The following NUP160 variants were observed in gnomAD, a reference collection of about 807,000 sequenced individuals.
NUP160 encodes the protein nucleoporin 160.
Under a neutral mutation model 196.9 loss-of-function variants are expected in NUP160, and 94 were observed. That is an observed-to-expected ratio of 0.48 (90% CI 0.40 to 0.57). The LOEUF (loss-of-function observed/expected upper bound fraction) is 0.57. Among genes scored for constraint, NUP160 ranks in the 20% least tolerant of loss-of-function variants. The pLI is 0.00. For missense variants in NUP160, 1,638 were observed against 1,748.3 expected (o/e 0.94, Z 1.13); for synonymous variants, 605 against 619.7 (o/e 0.98, Z 0.35).
chr11:47,809,987 T>C (rs1407936490), intron 17 of NUP160, among the ~76,000 whole-genome samples: 1 of 152,080 alleles, frequency 6.6e-6, no homozygotes, highest in Non-Finnish European at 1.5e-5. Flanking sequence ...TTTGCTTATA[T>C]ATATTTTGTA....
rs573236671 is a variant in NUP160 at position 47,846,173 on chromosome 11, T to A, written c.314+1675A>T. Among the ~76,000 whole-genome samples the A allele has an allele frequency of 1.5e-4, 22 of 148,602 alleles. No individual in the cohort carries two copies. The Middle Eastern group carries it at 0.011, about 71-fold the overall frequency. ...AAAAAAAAGCAGAAAGAAAAAAAAA[T>A]TTTTTTTGTAGAAATGGGGTCTTGA... On this transcript the variant is annotated intron_variant, in intron 2 of 35. Transcript: ENST00000378460.
chr11:47,839,917 C>A, exon 4 of NUP160: 1 of 1,614,150 alleles, frequency 6.2e-7, no homozygotes, highest in Non-Finnish European at 8.5e-7. Flanking sequence ...CAGGGCCTCC[C>A]CATCACTGCT....
At chr11:47,839,667 A>G in intron 4 of NUP160, 176 bp downstream of exon 4, 3 of 619,378 alleles carry the variant, frequency 4.8e-6, no homozygotes, top group Non-Finnish European at 8.6e-6. Context: ...TATGCTTTAT[A>G]GTTCCTTATC....
At chr11:47,788,674 GCAACCTGTCAATTT>G (rs1344318780) in intron 29 of NUP160, 63 bp from the exon 30 acceptor site, 2 of 1,000,796 alleles carry the variant, frequency 2.0e-6, no homozygotes, top group African/African-American at 3.2e-5. Flanking sequence ...TCAGATTAAC[GCAACCTGTCAATTT>G]CCACTGAACA....
chr11:47,822,009 C>T (rs956667014), intron 8 of NUP160, 78 bp downstream of exon 8: 7 of 1,061,346 alleles, frequency 6.6e-6, no homozygotes, highest in Non-Finnish European at 8.5e-6. Flanking sequence ...AGACTACAAT[C>T]CCATTATACC....
chr11:47,838,409 C>T (rs910628900), intron 4 of NUP160, among the ~76,000 whole-genome samples: 2 of 152,092 alleles, frequency 1.3e-5, no homozygotes, highest in African/African-American at 4.8e-5. Flanking sequence ...TATTTGAATC[C>T]CACCTTGGGT....
At chr11:47,839,864 G>A (rs1852259978) in exon 4 of NUP160, 1 of 1,613,636 alleles carries the variant, frequency 6.2e-7, no homozygotes, top group Non-Finnish European at 8.5e-7. Flanking sequence ...TAAGGAGGTA[G>A]CTTAAGAACA....
At chr11:47,810,650 A>G (rs761302402) in intron 17 of NUP160, among the ~76,000 whole-genome samples, 9 of 151,146 alleles carry the variant, frequency 6.0e-5, no homozygotes, top group Non-Finnish European at 1.2e-4. Context: ...GGGTTCAAGT[A>G]ATTCTCATGC....
intron 17 of NUP160, among the ~76,000 whole-genome samples, chr11:47,808,885 G>C (rs191526070): frequency 1.8e-4 from 27 of 152,150 alleles, no homozygotes; most frequent in Non-Finnish European, 3.2e-4. Context: ...CAGATCACTT[G>C]ACCCAAAATT....
chr11:47,836,248 G>A (rs184379175), intron 6 of NUP160, among the ~76,000 whole-genome samples: 138 of 152,010 alleles, frequency 9.1e-4, no homozygotes, highest in Middle Eastern at 3.4e-3. Context: ...ACTCTGTTTC[G>A]GGGGAAAATA....
exon 20 of NUP160, chr11:47,806,174 G>C (rs756589181): frequency 6.2e-7 from 1 of 1,614,046 alleles, no homozygotes; most frequent in Non-Finnish European, 8.5e-7. Flanking sequence ...TAAATAACTG[G>C]TAATTGCAGT....
chr11:47,807,337 G>A (rs2097678315), intron 18 of NUP160, among the ~76,000 whole-genome samples, 197 bp from the exon 19 acceptor site: 1 of 152,076 alleles, frequency 6.6e-6, no homozygotes, highest in South Asian at 2.1e-4. Flanking sequence ...CTTCAATGAG[G>A]AGCCAGAGCA....
rs1365183679 is a variant in NUP160 at position 47,848,282 on chromosome 11, C to T, written c.139G>A (p.Glu47Lys). 9.3e-6 allele frequency: 15 copies of T among 1,614,038 alleles called. No individual in the cohort carries two copies. The highest frequency in any genetic ancestry group is 1.2e-5 in the Non-Finnish European group (14 of 1,180,038). The change falls in exon 1 of 36, where the codon GAG becomes AAG. Residue 47 changes from glutamate (E) to lysine (K), a missense_variant. Transcript: ENST00000378460. ...CTTTCGCGCTCAGCTCCGCTTAGCT[C>T]CACGAAGCTCCGTTCCAGGGCTCCC...
At position 47,818,040 on chromosome 11, in the gene NUP160, A is replaced by C. The variant is rs756369121; in HGVS notation, c.1431+16T>G. On this transcript the variant is annotated intron_variant, in intron 11 of 35. Transcript: ENST00000378460. ...AAGAAATAGTCTTAAACAAACAGTA[A>C]ATTTTTTTTGCTGACCTGTAAAGCC... 1 of 1,559,222 alleles carries C rather than the reference A, an allele frequency of 6.4e-7. No homozygotes were observed. The highest frequency in any genetic ancestry group is 8.8e-7 in the Non-Finnish European group (1 of 1,136,262).
intron 8 of NUP160, 110 bp downstream of exon 8, chr11:47,821,977 A>G: frequency 1.0e-6 from 1 of 984,890 alleles, no homozygotes; most frequent in Non-Finnish European, 1.5e-6. Flanking sequence ...TGTTCCATAT[A>G]TCATGAAATA....
At chr11:47,805,800 C>T (rs1026626630) in intron 20 of NUP160, among the ~76,000 whole-genome samples, 1 of 151,652 alleles carries the variant, frequency 6.6e-6, no homozygotes, top group Non-Finnish European at 1.5e-5. Flanking sequence ...GAATAAGAAC[C>T]TTAGACTATT....
Position 47,814,613 on chromosome 11 carries a change from C to CTATA in NUP160, c.1686+862_1686+865dup, listed in dbSNP as rs140085243. On this transcript the variant is annotated intron_variant, in intron 13 of 35. Transcript: ENST00000378460. ...ACAATTGGCAAAATCTGAATATAAA[C>CTATA]TATATATATATATATGTTATATTTG... Among the ~76,000 whole-genome samples, 43 of 148,516 alleles carry CTATA rather than the reference C, an allele frequency of 2.9e-4. 1 individual carries two copies. The East Asian group carries it at 8.2e-3, about 28-fold the overall frequency.
chr11:47,820,031 C>T (rs4752795), intron 9 of NUP160, among the ~76,000 whole-genome samples: 151,513 of 152,264 alleles, frequency 1, 75,389 homozygotes, highest in Middle Eastern at 1. Context: ...CAGGTATGGC[C>T]TGAGGTCAAT....
In NUP160 at chr11:47,788,620, CA is replaced by C; in HGVS notation, c.3512-10del. On this transcript the variant is annotated splice_polypyrimidine_tract_variant and intron_variant, in intron 29 of 35. Coordinates refer to ENST00000378460, the Ensembl canonical transcript of NUP160. ...TTCAATTTGTCGATTTGCTATACAT[CA>C]AAGAAAAATATTTTGAACTCCCAAA... is the stretch of plus-strand genomic sequence containing the variant. 1 of 1,583,938 alleles carries C rather than the reference CA, an allele frequency of 6.3e-7. No homozygotes were observed.
Sources: allele counts gnomAD v4.1 joint callset (sites outside exome capture counted in the v4.1 genomes callset), GRCh38; gene constraint gnomAD v4.1.1; transcripts MANE v1.5; gene names NCBI Gene and HGNC (gene_info 2026-07-23, HGNC 2026-07-21).